The following IREB2 variants were observed in gnomAD, a reference collection of about 807,000 sequenced individuals.
The protein encoded by IREB2 is iron responsive element binding protein 2.
Under a neutral mutation model 118.8 loss-of-function variants are expected in IREB2, and 39 were observed. The observed-to-expected ratio is 0.33, with a 90% confidence interval of 0.25 to 0.43. The LOEUF is 0.43. IREB2 is among the 20% of genes least tolerant of loss of function. The pLI is 1.00. For synonymous variants in IREB2, 372 were observed against 392.2 expected, an observed-to-expected ratio of 0.95 and a Z score of 0.61; for missense variants, 900 against 1,147.3, an observed-to-expected ratio of 0.78 and a Z score of 3.11.
chr15:78,480,277 GCT>G (rs2051543996), intron 10 of IREB2: 1 of 152,136 alleles, frequency 6.6e-6, no homozygotes, highest in South Asian at 2.1e-4. Flanking sequence ...TAGATCTAGT[GCT>G]TTGTCCATTT....
intron 12 of IREB2, among the ~76,000 whole-genome samples, chr15:78,485,480 A>G (rs570777770): frequency 9.8e-4 from 149 of 152,350 alleles, no homozygotes; most frequent in African/African-American, 3.4e-3. Flanking sequence ...CTCTGTGTGA[A>G]TGATGTCAGC....
chr15:78,473,693 C>A (rs968114444), intron 8 of IREB2: 4 of 225,740 alleles, frequency 1.8e-5, no homozygotes, highest in African/African-American at 6.9e-5. Flanking sequence ...TAGTGACTTA[C>A]CAAAGGGTCG....
intron 12 of IREB2, 133 bp from the exon 13 acceptor site, chr15:78,485,572 A>G: frequency 2.1e-6 from 2 of 936,462 alleles, no homozygotes; most frequent in African/African-American, 1.7e-5. Flanking sequence ...TAAAGTGGAC[A>G]AAATAATGAC....
chr15:78,455,195 C>T (rs1253004377), intron 2 of IREB2, among the ~76,000 whole-genome samples: 1 of 152,080 alleles, frequency 6.6e-6, no homozygotes, highest in Non-Finnish European at 1.5e-5. Flanking sequence ...GTAAGGAAAG[C>T]GTGGATAGGC....
At chr15:78,456,947 TG>T (rs1466753469) in intron 2 of IREB2, among the ~76,000 whole-genome samples, 5 of 152,232 alleles carry the variant, frequency 3.3e-5, no homozygotes, top group African/African-American at 1.2e-4. Flanking sequence ...TTTTATACTG[TG>T]AAAATGGTAA....
At position 78,473,362 on chromosome 15, in the gene IREB2, T is replaced by A; in HGVS notation, c.1004T>A (p.Val335Asp). ...SSNPFVTSID[V>D]VLGITKHLRQ... ...AACCCTTTTGTTACATCCATAGATG[T>A]TGTTCTTGGTATTACAAAGGTAAGT... Residue 335 changes from valine (V) to aspartate (D), a missense_variant, in exon 8 of 22, where the codon GTT (valine) becomes GAT (aspartate). Val to Asp is a radical substitution (Grantham distance 152). Transcript: ENST00000258886. 2 of 1,613,788 alleles carry A rather than the reference T, an allele frequency of 1.2e-6. No individual in the cohort carries two copies. Among genetic ancestry groups the A allele is most frequent in the East Asian group, 2.2e-5 (1 of 44,868 alleles).
intron 2 of IREB2, among the ~76,000 whole-genome samples, chr15:78,457,901 T>A (rs900774814): frequency 5.3e-5 from 8 of 152,282 alleles, no homozygotes; most frequent in African/African-American, 1.7e-4. Context: ...TATTAAAAAA[T>A]TTTTCCCCTG....
rs2051507582 is a variant in IREB2, at chr15:78,478,311, A to C, written c.1210A>C (p.Lys404Gln). 6.2e-7 allele frequency: 1 copy of C among 1,611,680 alleles called. No individual in the cohort carries two copies. Among genetic ancestry groups the C allele is most frequent in the East Asian group, 2.2e-5 (1 of 44,876 alleles). Residue 404 changes from lysine (K) to glutamine (Q), a missense_variant, in exon 10 of 22, where the codon AAA (lysine) becomes CAA (glutamine). Transcript: ENST00000258886. ...HLEHTGFSKAKLESMETYLKA... is the reference protein window; with the variant it reads ...HLEHTGFSKAQLESMETYLKA... Reference sequence around the variant, plus strand: ...CTTCGTTTTAGGTTTTAGCAAAGCCAAACTCGAATCAATGGAAACATACCT... The same window carrying C: ...CTTCGTTTTAGGTTTTAGCAAAGCCCAACTCGAATCAATGGAAACATACCT...
intron 5 of IREB2, among the ~76,000 whole-genome samples, chr15:78,470,154 G>A (rs1340414338): frequency 6.6e-6 from 1 of 152,196 alleles, no homozygotes; most frequent in African/African-American, 2.4e-5. Context: ...CCATCTCCTA[G>A]TTTAATTGGC....
At chr15:78,438,179 C>G, upstream of IREB2, 1 of 616,122 alleles carries the variant, frequency 1.6e-6, no homozygotes, top group Non-Finnish European at 3.0e-6. Context: ...CGAGCGCAGA[C>G]CCGGGGCTGG....
At chr15:78,476,682 T>C (rs1405823464) in intron 9 of IREB2, 1 of 168,124 alleles carries the variant, frequency 5.9e-6, no homozygotes, top group Non-Finnish European at 1.3e-5. Context: ...CTTAAACATA[T>C]TCACAGCAGT....
chr15:78,451,378 G>A (rs964946676), intron 2 of IREB2, among the ~76,000 whole-genome samples: 3 of 151,564 alleles, frequency 2.0e-5, no homozygotes, highest in African/African-American at 7.3e-5. Context: ...CTTAATTTTA[G>A]CTTGCAGCTC....
chr15:78,459,104 C>T (rs2051154267), intron 2 of IREB2, among the ~76,000 whole-genome samples: 1 of 152,060 alleles, frequency 6.6e-6, no homozygotes, highest in Non-Finnish European at 1.5e-5. Flanking sequence ...TAAGTATATT[C>T]TTAACGGGAA....
At chr15:78,442,498 G>A (rs1433723451) in intron 2 of IREB2, among the ~76,000 whole-genome samples, 3 of 152,176 alleles carry the variant, frequency 2.0e-5, no homozygotes, top group Admixed American at 1.3e-4. Context: ...GGTTGAGAAT[G>A]ACTGTTGTAA....
At chr15:78,470,419 G>A (rs2051355828) in intron 5 of IREB2, 113 bp from the exon 6 acceptor site, 1 of 584,322 alleles carries the variant, frequency 1.7e-6, no homozygotes, top group Non-Finnish European at 3.0e-6. Context: ...TTCTTCCAAG[G>A]ATTTTAAGAA....
chr15:78,454,604 G>A (rs960800124), intron 2 of IREB2, among the ~76,000 whole-genome samples: 2 of 152,168 alleles, frequency 1.3e-5, no homozygotes, highest in African/African-American at 4.8e-5. Flanking sequence ...GTACAACTTG[G>A]TAAACTTACG....
intron 10 of IREB2, 38 bp from the exon 11 acceptor site, chr15:78,483,280 A>G (rs1326982450): frequency 1.4e-5 from 13 of 961,466 alleles, no homozygotes; most frequent in Non-Finnish European, 2.0e-5. Flanking sequence ...TAAGGAATTA[A>G]TTCTAATTCC....
chr15:78,445,258 C>G (rs1567161675), intron 2 of IREB2, among the ~76,000 whole-genome samples: 1 of 152,206 alleles, frequency 6.6e-6, no homozygotes, highest in South Asian at 2.1e-4. Flanking sequence ...CTGCCTCAGC[C>G]TCTGGAGTAG....
Position 78,490,515 on chromosome 15 carries a change from T to A in IREB2, c.2170T>A (p.Phe724Ile). The A allele has an allele frequency of 6.2e-7, 1 of 1,604,706 alleles. No individual in the cohort carries two copies. Among genetic ancestry groups the A allele is most frequent in the Non-Finnish European group, 8.5e-7 (1 of 1,176,742 alleles). The change falls in exon 17 of 22, where the codon TTT (phenylalanine) becomes ATT (isoleucine). Residue 724 changes from phenylalanine (F) to isoleucine (I), a missense_variant. Coordinates refer to ENST00000258886, the MANE Select transcript of IREB2 (RefSeq NM_004136.4). ...TACTTATATCAGATGCCCTTCATTTTTTGATAAACTTGTAAGTACTGTTTT... is the reference window on the plus strand; with the variant it reads ...TACTTATATCAGATGCCCTTCATTTATTGATAAACTTGTAAGTACTGTTTT... ...KSTYIRCPSF[F>I]DKLTKEPIAL... is the part of the protein sequence containing the mutation.
Sources: allele counts gnomAD v4.1 joint callset (sites outside exome capture counted in the v4.1 genomes callset), GRCh38; gene constraint gnomAD v4.1.1; transcripts MANE v1.5; gene names NCBI Gene and HGNC (gene_info 2026-07-23, HGNC 2026-07-21).